Variants in AFF3 observed in about 807,000 individuals in gnomAD.
The protein encoded by AFF3 is ALF transcription elongation factor 3, also known as AF4/FMR2 family member 3.
In AFF3, 32 loss-of-function variants were observed where a neutral mutation model predicts 129.7. The ratio of observed to expected loss-of-function variants is 0.25; its 90% CI spans 0.19 to 0.33. AFF3 has a LOEUF of 0.33. AFF3 is among the 10% of genes least tolerant of loss of function. The pLI, the probability that AFF3 is intolerant of heterozygous loss-of-function variation, is 1.00. For missense variants in AFF3, 1,373 were observed against 1,592.0 expected (o/e 0.86, Z 2.34); for synonymous variants, 644 against 635.4 (o/e 1.01, Z -0.20).
intron 7 of AFF3, among the ~76,000 whole-genome samples, chr2:99,889,550 A>T (rs1693384475): frequency 6.6e-6 from 1 of 152,212 alleles, no homozygotes; most frequent in African/African-American, 2.4e-5. Context: ...GAGGCAGGTT[A>T]TCTGGGCCCT....
chr2:100,070,167 T>C (rs777274823), intron 4 of AFF3, among the ~76,000 whole-genome samples: 12 of 152,012 alleles, frequency 7.9e-5, no homozygotes, highest in South Asian at 2.1e-4. Flanking sequence ...ATTTCTGTAT[T>C]CCTAGTTGCA....
intron 12 of AFF3, among the ~76,000 whole-genome samples, chr2:99,670,200 A>C (rs370755306): frequency 1.3e-3 from 196 of 152,276 alleles, no homozygotes; most frequent in African/African-American, 4.5e-3. Flanking sequence ...CAGGATCACA[A>C]AGGCAATGGG....
chr2:99,575,951 C>T (rs6745673), intron 18 of AFF3, among the ~76,000 whole-genome samples: 4,652 of 152,228 alleles, frequency 0.031, 187 homozygotes, highest in African/African-American at 0.092. Flanking sequence ...TGGCTCACGC[C>T]TATAATCCTG....
chr2:99,924,921 G>A (rs1156398062), intron 7 of AFF3, among the ~76,000 whole-genome samples: 1 of 150,970 alleles, frequency 6.6e-6, no homozygotes, highest in Admixed American at 6.6e-5. Flanking sequence ...TGTCACCCAG[G>A]CTGGAGTGAC....
chr2:99,969,051 A>G (rs531399260), intron 7 of AFF3, among the ~76,000 whole-genome samples: 2 of 152,188 alleles, frequency 1.3e-5, no homozygotes, highest in East Asian at 3.9e-4. Flanking sequence ...TCTGCCCCAC[A>G]CTCCTGCTGT....
At chr2:99,836,787 T>C (rs1688909415) in intron 8 of AFF3, among the ~76,000 whole-genome samples, 1 of 152,164 alleles carries the variant, frequency 6.6e-6, no homozygotes, top group African/African-American at 2.4e-5. Flanking sequence ...TATCAGCTTT[T>C]TGAGAACTAT....
chr2:99,650,899 C>T (rs867678253), intron 12 of AFF3, among the ~76,000 whole-genome samples: 1 of 151,376 alleles, frequency 6.6e-6, no homozygotes, highest in Non-Finnish European at 1.5e-5. Context: ...TTTGGCCGGG[C>T]ATGGTGGCTC....
At chr2:99,956,152 A>G (rs1676625909) in intron 7 of AFF3, among the ~76,000 whole-genome samples, 1 of 151,214 alleles carries the variant, frequency 6.6e-6, no homozygotes, top group Non-Finnish European at 1.5e-5. Context: ...AAGATGCTTT[A>G]AAAATATATT....
At chr2:99,714,558 G>C (rs1678204137) in intron 11 of AFF3, among the ~76,000 whole-genome samples, 1 of 150,786 alleles carries the variant, frequency 6.6e-6, no homozygotes, top group Non-Finnish European at 1.5e-5. Context: ...ACACCTCATA[G>C]ACTAAAAGAT....
chr2:99,716,668 A>T (rs1678420631), intron 11 of AFF3, among the ~76,000 whole-genome samples: 2 of 151,860 alleles, frequency 1.3e-5, no homozygotes, highest in East Asian at 3.9e-4. Context: ...GGATCACTAG[A>T]TCAGGAGTTC....
intron 17 of AFF3, 113 bp downstream of exon 17, chr2:99,582,685 G>T: frequency 8.5e-7 from 1 of 1,169,880 alleles, no homozygotes; most frequent in Non-Finnish European, 1.2e-6. Flanking sequence ...AGGCATTCAG[G>T]AATTCTCAAG....
At chr2:99,674,501 G>C (rs1472749147) in intron 11 of AFF3, among the ~76,000 whole-genome samples, 3 of 152,124 alleles carry the variant, frequency 2.0e-5, no homozygotes, top group African/African-American at 7.2e-5. Flanking sequence ...CCAGAGAAGG[G>C]GACAGGTCCT....
In AFF3 at chr2:99,568,425, T is replaced by C. The variant is rs143267953; in HGVS notation, c.2982+427A>G. The stretch of plus-strand genomic sequence containing the variant: ...ATAATAGTTTCTGTGTTGTACAGTT[T>C]CAGAGAAAGCATTCATTTCGGCAGA... On this transcript the variant is annotated intron_variant, in intron 19 of 24. Coordinates refer to ENST00000672756, the MANE Select transcript of AFF3 (RefSeq NM_001386135.1). Among the ~76,000 whole-genome samples the C allele has an allele frequency of 3.8e-3, 576 of 152,340 alleles. 2 individuals are homozygous for C. The highest frequency in any genetic ancestry group is 6.0e-3 in the Non-Finnish European group (409 of 68,024).
At chr2:99,845,602 C>A (rs1048329902) in intron 7 of AFF3, among the ~76,000 whole-genome samples, 1 of 152,190 alleles carries the variant, frequency 6.6e-6, no homozygotes, top group Non-Finnish European at 1.5e-5. Context: ...TGTTACAGGG[C>A]TTCCCACTTG....
At chr2:99,585,453 G>T (rs1410132707) in intron 16 of AFF3, among the ~76,000 whole-genome samples, 1 of 152,156 alleles carries the variant, frequency 6.6e-6, no homozygotes, top group Admixed American at 6.5e-5. Context: ...TGTACTCTAA[G>T]CATTTTATAT....
At chr2:99,706,003 C>T (rs1488465635) in intron 11 of AFF3, among the ~76,000 whole-genome samples, 4 of 150,240 alleles carry the variant, frequency 2.7e-5, no homozygotes, top group African/African-American at 9.8e-5. Context: ...TGCAAAAATA[C>T]AGCTTCCCAG....
chr2:99,701,468 G>A (rs974670195), intron 11 of AFF3, among the ~76,000 whole-genome samples: 68 of 152,200 alleles, frequency 4.5e-4, no homozygotes, highest in African/African-American at 1.5e-3. Flanking sequence ...CTGCTTCTTT[G>A]AGAATGATGA....
At chr2:99,930,425 G>A (rs764470782) in intron 7 of AFF3, among the ~76,000 whole-genome samples, 28 of 152,164 alleles carry the variant, frequency 1.8e-4, no homozygotes, top group Admixed American at 4.6e-4. Context: ...CACCAGCCAC[G>A]TGTACCATGC....
At chr2:99,693,043 A>G (rs1207936825) in intron 11 of AFF3, among the ~76,000 whole-genome samples, 2 of 152,236 alleles carry the variant, frequency 1.3e-5, no homozygotes, top group Non-Finnish European at 2.9e-5. Context: ...TCCCATATGC[A>G]TTTTGTTATT....
Sources: allele counts gnomAD v4.1 joint callset (sites outside exome capture counted in the v4.1 genomes callset), GRCh38; gene constraint gnomAD v4.1.1; transcripts MANE v1.5; gene names NCBI Gene and HGNC (gene_info 2026-07-23, HGNC 2026-07-21).